The following NEGR1 variants were observed in gnomAD, a reference collection of about 807,000 sequenced individuals.
NEGR1 encodes IgLON family member 4.
Under a neutral mutation model 40.9 loss-of-function variants are expected in NEGR1, and 10 were observed. The observed-to-expected ratio is 0.24, with a 90% CI of 0.15 to 0.42. The LOEUF (loss-of-function observed/expected upper bound fraction) is 0.42. Ranked by LOEUF, NEGR1 falls within the 10% of genes least tolerant of loss-of-function variation. The pLI is 1.00. For missense variants in NEGR1, 352 were observed against 438.9 expected (o/e 0.80, Z 1.77); for synonymous variants, 185 against 166.8 (o/e 1.11, Z -0.84).
chr1:72,030,199 T>C (rs1646845000), intron 1 of NEGR1, among the ~76,000 whole-genome samples: 2 of 152,106 alleles, frequency 1.3e-5, no homozygotes, highest in South Asian at 4.2e-4. Flanking sequence ...GATACTTTTT[T>C]TTTTTTTCTT....
chr1:72,201,335 TTA>T (rs1442222912), intron 1 of NEGR1, among the ~76,000 whole-genome samples: 2 of 151,224 alleles, frequency 1.3e-5, no homozygotes, highest in Non-Finnish European at 3.0e-5. Flanking sequence ...TATATTTATT[TTA>T]TTTTACATCA....
At chr1:71,664,887 A>G (rs982579639) in intron 4 of NEGR1, among the ~76,000 whole-genome samples, 3 of 152,150 alleles carry the variant, frequency 2.0e-5, no homozygotes, top group African/African-American at 7.2e-5. Flanking sequence ...AGAGAAATGT[A>G]AGTTTCTGGG....
chr1:71,932,976 C>T (rs942228455), intron 2 of NEGR1, among the ~76,000 whole-genome samples: 8 of 152,058 alleles, frequency 5.3e-5, no homozygotes, highest in African/African-American at 1.7e-4. Context: ...TGAAAACCGC[C>T]TACATGTCAA....
intron 4 of NEGR1, among the ~76,000 whole-genome samples, chr1:71,631,279 G>C (rs1650960931): frequency 6.6e-6 from 1 of 151,618 alleles, no homozygotes; most frequent in Admixed American, 6.6e-5. Flanking sequence ...AAATATTATA[G>C]GTGTGTTAGC....
At chr1:71,947,086 TCATACA>T (rs1557449063) in intron 1 of NEGR1, among the ~76,000 whole-genome samples, 1 of 102,116 alleles carries the variant, frequency 9.8e-6, no homozygotes. Context: ...AGATCCTGTC[TCATACA>T]CACACACACA....
chr1:71,505,553 T>C (rs918621818), intron 6 of NEGR1, among the ~76,000 whole-genome samples: 1 of 152,182 alleles, frequency 6.6e-6, no homozygotes, highest in Admixed American at 6.5e-5. Context: ...AGTGCTGGGA[T>C]TACAGGCGTG....
chr1:71,426,406 A>AG (rs773763167), intron 6 of NEGR1, among the ~76,000 whole-genome samples: 1 of 152,192 alleles, frequency 6.6e-6, no homozygotes, highest in Non-Finnish European at 1.5e-5. Flanking sequence ...GTAAAAAGGC[A>AG]GTCTCCTTTA....
At chr1:71,754,964 T>C (rs890369383) in intron 3 of NEGR1, among the ~76,000 whole-genome samples, 1 of 152,160 alleles carries the variant, frequency 6.6e-6, no homozygotes, top group African/African-American at 2.4e-5. Context: ...TTGGGACAGA[T>C]TTACATTCAT....
At chr1:72,205,756 C>CAAAAAAAAAAAAAAAAAAAAAAA in intron 1 of NEGR1, among the ~76,000 whole-genome samples, 1 of 30,886 alleles carries the variant, frequency 3.2e-5, no homozygotes, top group Non-Finnish European at 6.3e-5. Context: ...CCCATTTCTA[C>CAAAAAAAAAAAAAAAAAAAAAAA]AAAAAAAAAA....
chr1:72,253,141 T>A (rs1258179615), intron 1 of NEGR1, among the ~76,000 whole-genome samples: 2 of 152,200 alleles, frequency 1.3e-5, no homozygotes, highest in African/African-American at 4.8e-5. Context: ...TTGCACTGAT[T>A]TGATGGACAG....
intron 1 of NEGR1, among the ~76,000 whole-genome samples, chr1:72,157,048 C>G (rs913023348): frequency 6.6e-6 from 1 of 152,022 alleles, no homozygotes; most frequent in African/African-American, 2.4e-5. Flanking sequence ...TAAGAGCCTC[C>G]ACCTCCTCAG....
chr1:71,637,590 G>T (rs1390243404), intron 4 of NEGR1, among the ~76,000 whole-genome samples: 1 of 151,898 alleles, frequency 6.6e-6, no homozygotes, highest in Non-Finnish European at 1.5e-5. Flanking sequence ...ATAAAAATTT[G>T]TACATGATAT....
intron 1 of NEGR1, among the ~76,000 whole-genome samples, chr1:71,935,916 A>G (rs1398200109): frequency 6.6e-6 from 1 of 152,156 alleles, no homozygotes; most frequent in African/African-American, 2.4e-5. Flanking sequence ...CTCCTGTCTC[A>G]GCCTCCCTAG....
intron 1 of NEGR1, among the ~76,000 whole-genome samples, chr1:71,982,008 GT>G (rs1646358696): frequency 6.6e-6 from 1 of 151,888 alleles, no homozygotes; most frequent in Non-Finnish European, 1.5e-5. Context: ...GCATTTTTTT[GT>G]TTTTGTTTTT....
intron 3 of NEGR1, among the ~76,000 whole-genome samples, chr1:71,773,863 A>G (rs998577669): frequency 9.2e-5 from 14 of 152,320 alleles, no homozygotes; most frequent in African/African-American, 2.9e-4. Context: ...ACTAACCAAC[A>G]TTCCTATTTA....
intron 3 of NEGR1, among the ~76,000 whole-genome samples, chr1:71,759,151 A>G (rs1655846589): frequency 6.6e-6 from 1 of 152,140 alleles, no homozygotes; most frequent in Non-Finnish European, 1.5e-5. Flanking sequence ...CATTGGTAGT[A>G]CCTAATGTTC....
chr1:71,971,329 A>G (rs1646254935), intron 1 of NEGR1, among the ~76,000 whole-genome samples: 1 of 152,118 alleles, frequency 6.6e-6, no homozygotes, highest in Non-Finnish European at 1.5e-5. Context: ...TTTATGGTCC[A>G]TGCTTTGTTA....
At chr1:71,775,470 C>T (rs1451770341) in intron 3 of NEGR1, among the ~76,000 whole-genome samples, 1 of 151,540 alleles carries the variant, frequency 6.6e-6, no homozygotes, top group African/African-American at 2.4e-5. Context: ...CTCAGCCTCC[C>T]GAGTAGTTGG....
intron 4 of NEGR1, among the ~76,000 whole-genome samples, chr1:71,622,618 A>T (rs1439577447): frequency 6.6e-6 from 1 of 151,818 alleles, no homozygotes; most frequent in Admixed American, 6.6e-5. Context: ...GTTTATTGCT[A>T]TGTTTTAAGC....
Sources: gnomAD v4.1 joint callset for allele counts (sites outside exome capture counted in the v4.1 genomes callset) on GRCh38, gnomAD v4.1.1 for gene constraint, MANE v1.5 for transcripts, NCBI Gene and HGNC (gene_info 2026-07-23, HGNC 2026-07-21) for gene names.